PTH2R: variants seen among roughly 807,000 people sequenced by gnomAD.
The protein encoded by PTH2R is PTH2 receptor.
Under a neutral mutation model 60.3 loss-of-function variants are expected in PTH2R, and 59 were observed. The observed-to-expected ratio is 0.98, with a 90% CI of 0.79 to 1.22. PTH2R has a LOEUF of 1.22. Among genes scored for constraint, PTH2R ranks in the 50% most tolerant of loss-of-function variants. The pLI is 0.00. For synonymous variants in PTH2R, 256 were observed against 243.8 expected (o/e 1.05, Z -0.47); for missense variants, 749 against 682.6 (o/e 1.10, Z -1.08).
chr2:208,376,853 CTTTT>C (rs967528818), intron 1 of PTH2R, among the ~76,000 whole-genome samples: 2 of 147,950 alleles, frequency 1.4e-5, no homozygotes, highest in Non-Finnish European at 3.0e-5. Context: ...ATGCCTCTTT[CTTTT>C]TTTTTTAAGT....
At chr2:208,473,203 G>T (rs1702924141) in intron 9 of PTH2R, among the ~76,000 whole-genome samples, 1 of 152,134 alleles carries the variant, frequency 6.6e-6, no homozygotes, top group Non-Finnish European at 1.5e-5. Context: ...TTCTTTGGGG[G>T]TAGGGGGAGG....
At chr2:208,449,404 A>G (rs935711011) in intron 7 of PTH2R, among the ~76,000 whole-genome samples, 4 of 151,734 alleles carry the variant, frequency 2.6e-5, no homozygotes, top group African/African-American at 9.7e-5. Context: ...TCTTTGACAC[A>G]TAAATAGACA....
At chr2:208,359,936 C>G (rs560749080) in exon 1 of PTH2R, 2 of 241,680 alleles carry the variant, frequency 8.3e-6, no homozygotes, top group Non-Finnish European at 1.7e-5. Flanking sequence ...TGCGGGGCGC[C>G]CAGTCACTTC....
chr2:208,470,253 A>G (rs879707), intron 9 of PTH2R, among the ~76,000 whole-genome samples: 91,969 of 152,028 alleles, frequency 0.6, 29,321 homozygotes, highest in Admixed American at 0.7. Flanking sequence ...CTTTATGTAA[A>G]TATTTCCTTC....
chr2:208,476,441 A>G (rs545525366), intron 9 of PTH2R, among the ~76,000 whole-genome samples: 2 of 152,354 alleles, frequency 1.3e-5, no homozygotes, highest in South Asian at 4.1e-4. Flanking sequence ...CATTTGCCAT[A>G]GAAACTGTCT....
rs563512476 is a variant in PTH2R at position 208,451,745 on chromosome 2, A to C, written c.914+936A>C. ...ATTTATCTCTAACTGTGAGTCATTA[A>C]GTTCTTCCAGGTAGCATGGAGCTAA... On this transcript the variant is annotated intron_variant, in intron 8 of 12. Coordinates refer to ENST00000272847, the MANE Select transcript of PTH2R (RefSeq NM_005048.4). Among the ~76,000 whole-genome samples, 7 of 152,300 alleles carry C rather than the reference A, an allele frequency of 4.6e-5. No individual in the cohort carries two copies. In the East Asian group the frequency reaches 1.3e-3, roughly 29 times the overall value.
At chr2:208,400,559 A>T (rs922809950) in intron 1 of PTH2R, among the ~76,000 whole-genome samples, 1 of 152,218 alleles carries the variant, frequency 6.6e-6, no homozygotes, top group Non-Finnish European at 1.5e-5. Context: ...GATGGTTCAG[A>T]GTAGATTATA....
chr2:208,375,522 T>C (rs11692738), intron 1 of PTH2R, among the ~76,000 whole-genome samples: 60,279 of 151,966 alleles, frequency 0.4, 12,329 homozygotes, highest in East Asian at 0.54. Flanking sequence ...ATAGTTGAAC[T>C]AGAGGCAAGG....
At chr2:208,472,252 G>A (rs1702898827) in intron 9 of PTH2R, among the ~76,000 whole-genome samples, 1 of 152,140 alleles carries the variant, frequency 6.6e-6, no homozygotes, top group Non-Finnish European at 1.5e-5. Context: ...GTGAGGACAT[G>A]AGATTTGGGA....
intron 2 of PTH2R, among the ~76,000 whole-genome samples, chr2:208,429,378 A>G (rs1701924101): frequency 6.6e-6 from 1 of 152,158 alleles, no homozygotes; most frequent in Non-Finnish European, 1.5e-5. Flanking sequence ...TTTTTACTTC[A>G]TATATTTTGA....
chr2:208,370,648 G>A (rs4673402), intron 1 of PTH2R, among the ~76,000 whole-genome samples: 73,212 of 151,372 alleles, frequency 0.48, 18,797 homozygotes, highest in Admixed American at 0.57. Context: ...TTACCTCCCA[G>A]CACCTAATAT....
chr2:208,473,540 C>A (rs1358712963), intron 9 of PTH2R, among the ~76,000 whole-genome samples: 3 of 152,124 alleles, frequency 2.0e-5, no homozygotes, highest in Admixed American at 1.3e-4. Context: ...AGTGGGTGTT[C>A]ACATGGTTGT....
chr2:208,451,455 G>A (rs1386655236), intron 8 of PTH2R, among the ~76,000 whole-genome samples: 1 of 152,090 alleles, frequency 6.6e-6, no homozygotes, highest in South Asian at 2.1e-4. Context: ...AAATATTTTT[G>A]AGGCTGATAA....
chr2:208,445,834 G>A (rs1702278394), intron 7 of PTH2R, among the ~76,000 whole-genome samples: 1 of 152,104 alleles, frequency 6.6e-6, no homozygotes, highest in African/African-American at 2.4e-5. Context: ...TCAATTTACT[G>A]TTAAACTTAT....
rs372122864 is a variant in PTH2R at position 208,493,415 on chromosome 2, G to T, written c.1409G>T (p.Arg470Leu). The change falls in exon 13 of 13, where the codon CGC (arginine) becomes CTC (leucine). Residue 470 changes from arginine to leucine, a missense_variant. Transcript: ENST00000272847. ...CAGTCACAGGTGGCGGCCAGCACAC[G>T]CATGGTGCTTATCTCTGGCAAAGCT... ...SSQSQVAAST[R>L]MVLISGKAAK... The T allele has an allele frequency of 1.9e-6, 3 of 1,610,392 alleles. No individual in the cohort carries two copies. Among genetic ancestry groups the T allele is most frequent in the Admixed American group, 3.3e-5 (2 of 59,828 alleles).
chr2:208,472,492 T>G (rs371887558), intron 9 of PTH2R, among the ~76,000 whole-genome samples: 3 of 152,270 alleles, frequency 2.0e-5, no homozygotes, highest in Admixed American at 1.3e-4. Flanking sequence ...CCTGTGCCAT[T>G]CTCATGATAG....
At chr2:208,489,192 G>GT (rs766597279) in intron 11 of PTH2R, 42 bp downstream of exon 11, 52 of 1,610,276 alleles carry the variant, frequency 3.2e-5, no homozygotes, top group Non-Finnish European at 3.8e-5. Context: ...GTAATTTGCA[G>GT]TTTTTTTTCC....
At chr2:208,360,336 C>A (rs537411857) in intron 1 of PTH2R, 76 of 316,430 alleles carry the variant, frequency 2.4e-4, no homozygotes, top group African/African-American at 1.6e-3. Flanking sequence ...CCCGGAGCGG[C>A]GGCCTCCCCG....
chr2:208,473,556 G>A (rs1461159513), intron 9 of PTH2R, among the ~76,000 whole-genome samples: 1 of 152,136 alleles, frequency 6.6e-6, no homozygotes, highest in Non-Finnish European at 1.5e-5. Flanking sequence ...GTTGTGGGAG[G>A]CTAGTTGTGT....
Sources: allele counts gnomAD v4.1 joint callset (sites outside exome capture counted in the v4.1 genomes callset), GRCh38; gene constraint gnomAD v4.1.1; transcripts MANE v1.5; gene names NCBI Gene and HGNC (gene_info 2026-07-23, HGNC 2026-07-21).